The following JAKMIP1 variants were observed in gnomAD, a reference collection of about 807,000 sequenced individuals.
JAKMIP1 encodes the protein janus kinase and microtubule-interacting protein 1.
JAKMIP1 carries 33 observed loss-of-function variants against 113.0 expected under a neutral mutation model. That is an observed-to-expected ratio of 0.29 (90% CI 0.22 to 0.39). JAKMIP1 has a LOEUF of 0.39. Ranked by LOEUF, JAKMIP1 falls within the 10% of genes least tolerant of loss-of-function variation. The probability of loss-of-function intolerance (pLI) is 1.00; values close to 1 mark genes in which losing one functional copy is unlikely to be tolerated. For synonymous variants in JAKMIP1, 480 were observed against 459.9 expected (o/e 1.04, Z -0.56); for missense variants, 813 against 1,080.5 (o/e 0.75, Z 3.47).
intron 9 of JAKMIP1, among the ~76,000 whole-genome samples, chr4:6,063,224 G>A (rs144855869): frequency 5.3e-5 from 8 of 152,284 alleles, no homozygotes; most frequent in Non-Finnish European, 1.0e-4. Context: ...TGTGGAAAAC[G>A]ACACAGCATA....
rs1721335306 is a variant in JAKMIP1, at chr4:6,086,520, G to GA, written c.625-892dup. Reference sequence around the variant, plus strand: ...TGTCTTGTCCAGCCTTCCTATGGGGGAGTGTCAGAAAGGACACAGGCTCAA... The same window carrying GA: ...TGTCTTGTCCAGCCTTCCTATGGGGGAAGTGTCAGAAAGGACACAGGCTCAA... On this transcript the variant is annotated intron_variant, in intron 3 of 20. Transcript: ENST00000409021. This position sits in a 1 kb window ranked among gnomAD's most constrained non-coding sequence, Gnocchi z 4.1. Among the ~76,000 whole-genome samples the GA allele has an allele frequency of 6.6e-6, 1 of 151,926 alleles. No individual in the cohort carries two copies. The highest frequency in any genetic ancestry group is 1.5e-5 in the Non-Finnish European group (1 of 67,994).
rs866629509 is a variant in JAKMIP1 at position 6,130,898 on chromosome 4, G to T, written c.-147-17901C>A. 4.0e-5 allele frequency among the ~76,000 whole-genome samples: 6 copies of T among 151,456 alleles called. No homozygotes were observed. The South Asian group carries it at 1.3e-3, about 32-fold the overall frequency. On this transcript the variant is annotated intron_variant, in intron 1 of 20. Transcript: ENST00000409021. ...AAAACGAATATCCCAGGACAGTCAG[G>T]CGCGATGGTTCAAACCTATAACCCC...
intron 16 of JAKMIP1, among the ~76,000 whole-genome samples, chr4:6,048,034 C>A (rs1715215706): frequency 6.6e-6 from 1 of 152,096 alleles, no homozygotes; most frequent in Non-Finnish European, 1.5e-5. Flanking sequence ...GGAAAACCCT[C>A]AAAATAAATG....
chr4:6,195,753 G>A (rs1472034021), intron 1 of JAKMIP1, among the ~76,000 whole-genome samples: 1 of 152,194 alleles, frequency 6.6e-6, no homozygotes, highest in Admixed American at 6.5e-5. Flanking sequence ...AGTCAGACCA[G>A]GGACAGCACA....
In JAKMIP1 at chr4:6,129,488, C is replaced by T. The variant is rs1278020858; in HGVS notation, c.-147-16491G>A. Among the ~76,000 whole-genome samples the T allele has an allele frequency of 6.6e-6, 1 of 152,116 alleles. No homozygotes were observed. Among genetic ancestry groups the T allele is most frequent in the East Asian group, 1.9e-4 (1 of 5,172 alleles). On this transcript the variant is annotated intron_variant, in intron 1 of 20. Transcript: ENST00000409021. The surrounding 1 kb of genome is among the most constrained non-coding windows in gnomAD (Gnocchi z 5.4). Reference sequence around the variant, plus strand: ...AAGTCGACTGGTTAAACACATCACCCCATTATCTGTTCAGCACAAGTTTGT... The same window carrying T: ...AAGTCGACTGGTTAAACACATCACCTCATTATCTGTTCAGCACAAGTTTGT...
chr4:6,169,982 C>CCACCCTCACCACCACCACATTCCCAT (rs1724172569), intron 1 of JAKMIP1, among the ~76,000 whole-genome samples: 5 of 68,754 alleles, frequency 7.3e-5, no homozygotes, highest in African/African-American at 5.2e-4. Flanking sequence ...ACCACCACTA[C>CCACCCTCACCACCACCACATTCCCAT]CACCACCACC....
At chr4:6,045,989 G>A (rs1004994588) in intron 16 of JAKMIP1, among the ~76,000 whole-genome samples, 3 of 152,216 alleles carry the variant, frequency 2.0e-5, no homozygotes, top group Admixed American at 1.3e-4. Flanking sequence ...GTTAACTGGG[G>A]CCTGTCAGCA....
In JAKMIP1 at chr4:6,069,194, T is replaced by C. The variant is rs1013242478; in HGVS notation, c.1303-4186A>G. Among the ~76,000 whole-genome samples, 2 of 152,160 alleles carry C rather than the reference T, an allele frequency of 1.3e-5. No homozygotes were observed. The highest frequency in any genetic ancestry group is 2.9e-5 in the Non-Finnish European group (2 of 68,028). Reference sequence around the variant, plus strand: ...GGGAGAACCGCCCAGAAAACATTGTTTCCTGTCATGACTGGCACACAGTGG... The same window carrying C: ...GGGAGAACCGCCCAGAAAACATTGTCTCCTGTCATGACTGGCACACAGTGG... On this transcript the variant is annotated intron_variant, in intron 8 of 20. Coordinates refer to ENST00000409021, the MANE Select transcript of JAKMIP1 (RefSeq NM_001099433.2). This position sits in a 1 kb window ranked among gnomAD's most constrained non-coding sequence, Gnocchi z 4.5.
At chr4:6,173,366 C>A (rs1315165535) in intron 1 of JAKMIP1, among the ~76,000 whole-genome samples, 1 of 152,164 alleles carries the variant, frequency 6.6e-6, no homozygotes, top group African/African-American at 2.4e-5. Context: ...ATAATGATTT[C>A]TCTATGGGGA....
intron 8 of JAKMIP1, 120 bp downstream of exon 8, chr4:6,078,819 C>T (rs1479234343): frequency 1.2e-6 from 1 of 851,486 alleles, no homozygotes; most frequent in East Asian, 2.5e-5. Context: ...ATCAGGCATG[C>T]AGAGATGTGT....
chr4:6,174,971 T>C (rs1725166434), intron 1 of JAKMIP1, among the ~76,000 whole-genome samples: 1 of 152,180 alleles, frequency 6.6e-6, no homozygotes, highest in Admixed American at 6.5e-5. Context: ...GGCCACTGCT[T>C]TTCTGAGAAA....
chr4:6,117,885 G>A (rs1297874309), intron 1 of JAKMIP1, among the ~76,000 whole-genome samples: 1 of 152,232 alleles, frequency 6.6e-6, no homozygotes, highest in Admixed American at 6.5e-5. Context: ...AGAGTTTAAG[G>A]TTCTCTCTCT....
At position 6,136,138 on chromosome 4, in the gene JAKMIP1, G is replaced by A. The variant is rs1221642141; in HGVS notation, c.-147-23141C>T. ...GTGGGTTCCTGTATTCCCAGCTGCT[G>A]GGGAGGCTGAGGCAGGAGAATCACT... On this transcript the variant is annotated intron_variant, in intron 1 of 20. Coordinates refer to ENST00000409021, the MANE Select transcript of JAKMIP1 (RefSeq NM_001099433.2). The surrounding 1 kb of genome is among the most constrained non-coding windows in gnomAD (Gnocchi z 5.9). Among the ~76,000 whole-genome samples, 1 of 151,996 alleles carries A rather than the reference G, an allele frequency of 6.6e-6. No individual in the cohort carries two copies. The highest frequency in any genetic ancestry group is 1.9e-4 in the East Asian group (1 of 5,172).
At position 6,138,576 on chromosome 4, in the gene JAKMIP1, A is replaced by G. The variant is rs760263170; in HGVS notation, c.-147-25579T>C. Among the ~76,000 whole-genome samples the G allele has an allele frequency of 6.6e-5, 10 of 152,124 alleles. No homozygotes were observed. Among genetic ancestry groups the G allele is most frequent in the Non-Finnish European group, 1.0e-4 (7 of 68,020 alleles). On this transcript the variant is annotated intron_variant, in intron 1 of 20. Transcript: ENST00000409021. The surrounding 1 kb of genome is among the most constrained non-coding windows in gnomAD (Gnocchi z 6.0). ...AAATTAAAGAGGGACACACAAAACCATTTTAAACACAGAAGCAGAAAACCA... is the reference window on the plus strand; with the variant it reads ...AAATTAAAGAGGGACACACAAAACCGTTTTAAACACAGAAGCAGAAAACCA...
intron 18 of JAKMIP1, among the ~76,000 whole-genome samples, chr4:6,036,583 G>A (rs1657468879): frequency 6.6e-6 from 1 of 152,126 alleles, no homozygotes; most frequent in African/African-American, 2.4e-5. Flanking sequence ...AGCAAATAGT[G>A]GCAATGTTTT....
At chr4:6,068,550 TTTTTTAAC>T (rs1232136584) in intron 8 of JAKMIP1, among the ~76,000 whole-genome samples, 1 of 113,102 alleles carries the variant, frequency 8.8e-6, no homozygotes, top group Non-Finnish European at 1.7e-5. Flanking sequence ...TTTTTAAAAA[TTTTTTAAC>T]TTTTTTTTTT....
In JAKMIP1 at chr4:6,139,636, C is replaced by A. The variant is rs1004969080; in HGVS notation, c.-147-26639G>T. Among the ~76,000 whole-genome samples the A allele has an allele frequency of 3.3e-5, 5 of 152,000 alleles. No homozygotes were observed. The highest frequency in any genetic ancestry group is 7.4e-5 in the Non-Finnish European group (5 of 67,962). Reference sequence around the variant, plus strand: ...CAAAAATTAGCCAGGTGTGGTGGCACACACCTGTAGTCCCAGCTACTTGGG... The same window carrying A: ...CAAAAATTAGCCAGGTGTGGTGGCAAACACCTGTAGTCCCAGCTACTTGGG... On this transcript the variant is annotated intron_variant, in intron 1 of 20. Coordinates refer to ENST00000409021, the MANE Select transcript of JAKMIP1 (RefSeq NM_001099433.2). The surrounding 1 kb of genome is among the most constrained non-coding windows in gnomAD (Gnocchi z 5.2).
In JAKMIP1 at chr4:6,180,783, C is replaced by T. The variant is rs1439255546; in HGVS notation, c.-148+19470G>A. Among the ~76,000 whole-genome samples, 1 of 152,096 alleles carries T rather than the reference C, an allele frequency of 6.6e-6. No homozygotes were observed. The highest frequency in any genetic ancestry group is 2.4e-5 in the African/African-American group (1 of 41,412). On this transcript the variant is annotated intron_variant, in intron 1 of 20. Coordinates refer to ENST00000409021, the MANE Select transcript of JAKMIP1 (RefSeq NM_001099433.2). This position sits in a 1 kb window ranked among gnomAD's most constrained non-coding sequence, Gnocchi z 4.5. ...AATTCAGTGACATTTAATTTTCTGT[C>T]AACGTGCTTTGTTCTCAGAGGGCCA...
At position 6,080,025 on chromosome 4, in the gene JAKMIP1, G is replaced by C. The variant is rs1234856674; in HGVS notation, c.1242+147C>G. On this transcript the variant is annotated intron_variant, in intron 7 of 20. Transcript: ENST00000409021. The surrounding 1 kb of genome is among the most constrained non-coding windows in gnomAD (Gnocchi z 6.0). Reference sequence around the variant, plus strand: ...ATGAAGCGGGAATGTGCACACCAGGGTGAGCTTGGTGAGTCCCAAAGTCAG... The same window carrying C: ...ATGAAGCGGGAATGTGCACACCAGGCTGAGCTTGGTGAGTCCCAAAGTCAG... 4 of 828,958 alleles carry C rather than the reference G, an allele frequency of 4.8e-6. No individual in the cohort carries two copies. The African/African-American group carries it at 6.9e-5, about 14-fold the overall frequency. 51.4% of individuals were successfully genotyped at this position (828,958 alleles called of 1,614,324 possible).
Sources: gnomAD v4.1 joint callset for allele counts (sites outside exome capture counted in the v4.1 genomes callset) on GRCh38, gnomAD v4.1.1 for gene constraint, Gnocchi (gnomAD v3.1) non-coding constraint, MANE v1.5 for transcripts, NCBI Gene and HGNC (gene_info 2026-07-23, HGNC 2026-07-21) for gene names.